Variants in CSMD1 observed in about 807,000 individuals in gnomAD.
The protein encoded by CSMD1 is CUB and sushi domain-containing protein 1.
In CSMD1, 213 loss-of-function variants were observed where a neutral mutation model predicts 417.5. The observed-to-expected ratio is 0.51, with a 90% CI of 0.46 to 0.57. The LOEUF is 0.57. CSMD1 is among the 20% of genes least tolerant of loss of function. The pLI is 0.00. For synonymous variants in CSMD1, 2,862 were observed against 1,736.8 expected (o/e 1.65, Z -16.11); for missense variants, 6,923 against 4,529.7 (o/e 1.53, Z -15.17).
At chr8:3,968,930 A>G (rs759396586) in intron 5 of CSMD1, among the ~76,000 whole-genome samples, 2 of 152,170 alleles carry the variant, frequency 1.3e-5, no homozygotes, top group Non-Finnish European at 2.9e-5. Context: ...TTTTCAAGGC[A>G]TTGAAACCGA....
chr8:4,880,483 T>C (rs972754400), intron 1 of CSMD1, among the ~76,000 whole-genome samples: 12 of 152,114 alleles, frequency 7.9e-5, no homozygotes, highest in Non-Finnish European at 1.8e-4. Flanking sequence ...TGCTGTTGTG[T>C]AGCCCATGAA....
At chr8:4,582,977 T>C (rs774946637) in intron 2 of CSMD1, among the ~76,000 whole-genome samples, 55 of 152,274 alleles carry the variant, frequency 3.6e-4, no homozygotes, top group Non-Finnish European at 7.5e-4. Context: ...CCCGGGCCAG[T>C]GGCTGCGGAC....
At chr8:4,152,038 A>T (rs960784480) in intron 3 of CSMD1, among the ~76,000 whole-genome samples, 5 of 152,124 alleles carry the variant, frequency 3.3e-5, no homozygotes, top group Admixed American at 1.3e-4. Context: ...CGATACCTTC[A>T]TTTGACTATG....
intron 10 of CSMD1, among the ~76,000 whole-genome samples, chr8:3,547,570 C>A (rs1332832576): frequency 6.6e-6 from 1 of 151,984 alleles, no homozygotes; most frequent in Non-Finnish European, 1.5e-5. Flanking sequence ...GAGTTTTAGG[C>A]TTTATTTTTA....
At chr8:4,091,263 A>G (rs530096581) in intron 3 of CSMD1, among the ~76,000 whole-genome samples, 17 of 152,196 alleles carry the variant, frequency 1.1e-4, no homozygotes, top group Non-Finnish European at 2.4e-4. Flanking sequence ...AATTAGAAAA[A>G]AATAATAATC....
At chr8:3,984,454 A>T (rs534160106) in intron 5 of CSMD1, among the ~76,000 whole-genome samples, 14 of 152,114 alleles carry the variant, frequency 9.2e-5, no homozygotes, top group African/African-American at 3.4e-4. Context: ...GCACATTGAT[A>T]TATGTTTCTA....
At chr8:4,421,402 G>A (rs184070871) in intron 2 of CSMD1, among the ~76,000 whole-genome samples, 82 of 152,064 alleles carry the variant, frequency 5.4e-4, no homozygotes, top group African/African-American at 1.9e-3. Context: ...GGTGCCCACA[G>A]AACATATACC....
chr8:3,488,433 A>G (rs1818182729), intron 11 of CSMD1, among the ~76,000 whole-genome samples: 1 of 152,158 alleles, frequency 6.6e-6, no homozygotes, highest in African/African-American at 2.4e-5. Context: ...GACCTTTTAC[A>G]TTCAAGGCTA....
intron 10 of CSMD1, among the ~76,000 whole-genome samples, chr8:3,553,357 C>CT (rs1228586820): frequency 6.6e-6 from 1 of 152,076 alleles, no homozygotes; most frequent in East Asian, 1.9e-4. Context: ...CATTAACTGC[C>CT]TTTTTTAGAT....
chr8:3,007,018 T>A (rs981486253), intron 52 of CSMD1, among the ~76,000 whole-genome samples: 2 of 145,400 alleles, frequency 1.4e-5, no homozygotes, highest in African/African-American at 2.8e-5. Context: ...TTTTGCAACC[T>A]ACTCATCTGA....
At chr8:3,240,970 G>T (rs1381270092) in intron 26 of CSMD1, among the ~76,000 whole-genome samples, 4 of 151,696 alleles carry the variant, frequency 2.6e-5, no homozygotes, top group Non-Finnish European at 5.9e-5. Context: ...TTGGCATTGA[G>T]CAGGGTAAGG....
intron 8 of CSMD1, among the ~76,000 whole-genome samples, chr8:3,591,827 G>C (rs767801343): frequency 2.0e-5 from 3 of 152,146 alleles, no homozygotes; most frequent in East Asian, 1.9e-4. Context: ...TGGATGGATA[G>C]ATGATAGGTA....
At chr8:4,251,461 C>A (rs1367897442) in intron 3 of CSMD1, among the ~76,000 whole-genome samples, 3 of 152,120 alleles carry the variant, frequency 2.0e-5, no homozygotes, top group Non-Finnish European at 4.4e-5. Flanking sequence ...GCCCCTACAC[C>A]ATGCAGTGTT....
At chr8:4,271,793 C>G (rs775784818) in intron 3 of CSMD1, among the ~76,000 whole-genome samples, 4 of 152,126 alleles carry the variant, frequency 2.6e-5, no homozygotes, top group Non-Finnish European at 5.9e-5. Flanking sequence ...TTATGAATTA[C>G]TCCTCCAGCT....
intron 1 of CSMD1, among the ~76,000 whole-genome samples, chr8:4,775,941 G>A (rs752963242): frequency 6.6e-6 from 1 of 152,162 alleles, no homozygotes; most frequent in Non-Finnish European, 1.5e-5. Flanking sequence ...ATTAGTCAAG[G>A]CAGTTGGAGT....
intron 2 of CSMD1, among the ~76,000 whole-genome samples, chr8:4,429,794 G>T (rs929986686): frequency 2.0e-5 from 3 of 152,102 alleles, no homozygotes; most frequent in Admixed American, 6.6e-5. Context: ...AAATATACCG[G>T]CAATCCCCTC....
chr8:3,833,855 C>G (rs1439281086), intron 5 of CSMD1, among the ~76,000 whole-genome samples: 1 of 152,090 alleles, frequency 6.6e-6, no homozygotes, highest in Non-Finnish European at 1.5e-5. Flanking sequence ...CTTTAACTCC[C>G]AAACTTTGAT....
intron 1 of CSMD1, among the ~76,000 whole-genome samples, chr8:4,949,429 G>C (rs915442091): frequency 6.6e-6 from 1 of 152,186 alleles, no homozygotes; most frequent in Non-Finnish European, 1.5e-5. Flanking sequence ...AATTATTTGA[G>C]TATGCTGTAT....
chr8:3,366,147 C>G (rs1023320757), intron 20 of CSMD1, among the ~76,000 whole-genome samples: 1 of 152,112 alleles, frequency 6.6e-6, no homozygotes, highest in African/African-American at 2.4e-5. Context: ...AAGGAAAACC[C>G]TCTTCGTCCA....
Sources: gnomAD v4.1 joint callset for allele counts (sites outside exome capture counted in the v4.1 genomes callset) on GRCh38, gnomAD v4.1.1 for gene constraint, MANE v1.5 for transcripts, NCBI Gene and HGNC (gene_info 2026-07-23, HGNC 2026-07-21) for gene names.